Variants in STK32A observed in about 807,000 individuals in gnomAD.
The protein encoded by STK32A is serine/threonine-protein kinase 32A.
Under a neutral mutation model 53.2 loss-of-function variants are expected in STK32A, and 41 were observed. The ratio of observed to expected loss-of-function variants is 0.77; its 90% CI spans 0.60 to 1.00. The LOEUF (loss-of-function observed/expected upper bound fraction) is 1.00, where lower values mean the gene tolerates loss of function less well. Ranked by LOEUF, STK32A falls within the 50% of genes least tolerant of loss-of-function variation. The probability of loss-of-function intolerance (pLI) is 0.00; values close to 1 mark genes in which losing one functional copy is unlikely to be tolerated. For missense variants in STK32A, 458 were observed against 485.8 expected, an observed-to-expected ratio of 0.94 and a Z score of 0.54; for synonymous variants, 166 against 162.8, an observed-to-expected ratio of 1.02 and a Z score of -0.15.
At chr5:147,279,715 G>A (rs545490088) in intron 4 of STK32A, among the ~76,000 whole-genome samples, 1 of 152,168 alleles carries the variant, frequency 6.6e-6, no homozygotes, top group Non-Finnish European at 1.5e-5. Flanking sequence ...GAAAAAAGAT[G>A]GAGATTTCTT....
At chr5:147,343,078 A>G (rs754449239) in intron 6 of STK32A, 35 bp downstream of exon 6, 2 of 1,607,346 alleles carry the variant, frequency 1.2e-6, no homozygotes, top group Admixed American at 1.7e-5. Context: ...CAAGTACATG[A>G]CATGCATGTA....
At chr5:147,283,586 C>A (rs1752174647) in intron 4 of STK32A, among the ~76,000 whole-genome samples, 1 of 151,626 alleles carries the variant, frequency 6.6e-6, no homozygotes. Flanking sequence ...ATCTAAATAA[C>A]CTCACTAAGA....
chr5:147,344,828 A>T (rs998640628), intron 6 of STK32A, among the ~76,000 whole-genome samples: 1 of 152,194 alleles, frequency 6.6e-6, no homozygotes, highest in African/African-American at 2.4e-5. Context: ...GCCTTAAATG[A>T]AGGCATATAG....
intron 4 of STK32A, among the ~76,000 whole-genome samples, chr5:147,317,348 G>A (rs1239846101): frequency 2.4e-4 from 1 of 4,214 alleles, no homozygotes; most frequent in African/African-American, 8.9e-4. Flanking sequence ...TTTTTTTTTT[G>A]AGAGAGTCTC....
At chr5:147,353,132 C>T (rs1756061937) in intron 7 of STK32A, among the ~76,000 whole-genome samples, 1 of 147,696 alleles carries the variant, frequency 6.8e-6, no homozygotes, top group African/African-American at 2.4e-5. Context: ...GAGGACCCCT[C>T]TGCCTCGACT....
At chr5:147,276,434 T>C (rs1237591957) in intron 2 of STK32A, among the ~76,000 whole-genome samples, 1 of 152,236 alleles carries the variant, frequency 6.6e-6, no homozygotes, top group Non-Finnish European at 1.5e-5. Flanking sequence ...ATTTATTTCA[T>C]AACTCATTAA....
intron 4 of STK32A, among the ~76,000 whole-genome samples, chr5:147,290,129 A>G (rs138740929): frequency 3.6e-4 from 55 of 152,342 alleles, no homozygotes; most frequent in Non-Finnish European, 6.9e-4. Context: ...CTTGGTGAGC[A>G]GAAATAGACG....
At chr5:147,369,383 T>A (rs1756908622) in intron 8 of STK32A, among the ~76,000 whole-genome samples, 1 of 152,166 alleles carries the variant, frequency 6.6e-6, no homozygotes, top group Admixed American at 6.6e-5. Context: ...TTCATTCACA[T>A]TTACATATGC....
intron 2 of STK32A, among the ~76,000 whole-genome samples, chr5:147,257,792 C>A (rs1754302871): frequency 6.6e-6 from 1 of 151,958 alleles, no homozygotes; most frequent in Non-Finnish European, 1.5e-5. Context: ...AGGGGTGGTA[C>A]CTGTGCTAAA....
intron 4 of STK32A, among the ~76,000 whole-genome samples, chr5:147,304,511 T>G (rs185896199): frequency 6.6e-6 from 1 of 152,190 alleles, no homozygotes; most frequent in Admixed American, 6.5e-5. Context: ...AAAACAAAAA[T>G]ATGGGAATCA....
At chr5:147,284,691 C>CAAAAAAAAAAAAAAAAAAAAAAAAAA (rs1401748709) in intron 4 of STK32A, among the ~76,000 whole-genome samples, 4 of 61,480 alleles carry the variant, frequency 6.5e-5, no homozygotes, top group Admixed American at 2.1e-4. Flanking sequence ...CAAAACAAGA[C>CAAAAAAAAAAAAAAAAAAAAAAAAAA]AAAACAAAAA....
At chr5:147,343,153 C>A in intron 6 of STK32A, 110 bp downstream of exon 6, 1 of 1,220,090 alleles carries the variant, frequency 8.2e-7, no homozygotes, top group Non-Finnish European at 1.2e-6. Flanking sequence ...TCTATTCATT[C>A]GAGCTCTACT....
chr5:147,367,679 C>T (rs529377178), intron 8 of STK32A, among the ~76,000 whole-genome samples: 4 of 152,216 alleles, frequency 2.6e-5, no homozygotes, highest in South Asian at 4.1e-4. Context: ...TCAGTTAAGG[C>T]AGGAACCGGC....
chr5:147,272,557 T>A (rs1167407213), intron 2 of STK32A, among the ~76,000 whole-genome samples: 1 of 152,222 alleles, frequency 6.6e-6, no homozygotes, highest in Non-Finnish European at 1.5e-5. Context: ...CCTATTGGAA[T>A]GATAGTATGT....
At chr5:147,275,573 C>T (rs1324962475) in intron 2 of STK32A, among the ~76,000 whole-genome samples, 5 of 152,146 alleles carry the variant, frequency 3.3e-5, no homozygotes, top group African/African-American at 4.8e-5. Flanking sequence ...ATGCTCCTGC[C>T]TCGGCCTCCC....
At chr5:147,312,074 T>A (rs142177698) in intron 4 of STK32A, among the ~76,000 whole-genome samples, 8 of 152,180 alleles carry the variant, frequency 5.3e-5, no homozygotes, top group Non-Finnish European at 2.9e-5. Flanking sequence ...ACAAGTTTCT[T>A]ATTGCTAAAA....
At chr5:147,247,101 A>T (rs1243893356) in intron 2 of STK32A, among the ~76,000 whole-genome samples, 1 of 152,222 alleles carries the variant, frequency 6.6e-6, no homozygotes, top group Non-Finnish European at 1.5e-5. Flanking sequence ...TTAAATCTGC[A>T]AGCCAGTTTC....
downstream of STK32A, among the ~76,000 whole-genome samples, chr5:147,390,251 C>T (rs774665145): frequency 3.9e-5 from 6 of 152,112 alleles, no homozygotes; most frequent in Admixed American, 6.5e-5. Context: ...ACCTTTATCA[C>T]GGGATTTCTC....
chr5:147,291,554 A>ATT (rs760741042), intron 4 of STK32A, among the ~76,000 whole-genome samples: 43,573 of 149,250 alleles, frequency 0.29, 6,949 homozygotes, highest in South Asian at 0.58. Context: ...TTACAATTAA[A>ATT]AAAAAAAAAG....
Sources: gnomAD v4.1 joint callset for allele counts (sites outside exome capture counted in the v4.1 genomes callset) on GRCh38, gnomAD v4.1.1 for gene constraint, MANE v1.5 for transcripts, NCBI Gene and HGNC (gene_info 2026-07-23, HGNC 2026-07-21) for gene names.